KIF7: variants seen among roughly 807,000 people sequenced by gnomAD.
KIF7 encodes the protein kinesin-like protein KIF7.
Under a neutral mutation model 135.7 loss-of-function variants are expected in KIF7, and 104 were observed. The ratio of observed to expected loss-of-function variants is 0.77; its 90% CI spans 0.65 to 0.90. KIF7 has a LOEUF of 0.90. KIF7 is among the 40% of genes least tolerant of loss of function. KIF7 has a pLI of 0.00. For synonymous variants in KIF7, 883 were observed against 809.4 expected, an observed-to-expected ratio of 1.09 and a Z score of -1.54; for missense variants, 2,005 against 1,839.1, an observed-to-expected ratio of 1.09 and a Z score of -1.65.
chr15:89,632,262 C>T (rs1045753894), intron 14 of KIF7, among the ~76,000 whole-genome samples: 3 of 152,188 alleles, frequency 2.0e-5, no homozygotes, highest in African/African-American at 4.8e-5. Context: ...CAATGACGGC[C>T]ATCCCCCTCC....
chr15:89,648,050 G>A (rs1376500886), intron 5 of KIF7, among the ~76,000 whole-genome samples: 1 of 152,206 alleles, frequency 6.6e-6, no homozygotes, highest in Non-Finnish European at 1.5e-5. Flanking sequence ...TAAGTCCTAC[G>A]GTTATCCCTA....
chr15:89,624,090 G>T, downstream of KIF7: 1 of 1,613,554 alleles, frequency 6.2e-7, no homozygotes. Flanking sequence ...TCATGGGCAC[G>T]CCTCAGAATC....
intron 11 of KIF7, among the ~76,000 whole-genome samples, chr15:89,637,268 A>T (rs1373822656): frequency 7.1e-6 from 1 of 141,650 alleles, no homozygotes; most frequent in Non-Finnish European, 1.5e-5. Flanking sequence ...CAACTAAAAG[A>T]ACTAGAAAAG....
chr15:89,643,920 A>T (rs952791733), intron 10 of KIF7, among the ~76,000 whole-genome samples: 2 of 149,838 alleles, frequency 1.3e-5, no homozygotes, highest in Non-Finnish European at 3.0e-5. Context: ...CATTAGTTTC[A>T]TTAGGTGTGC....
chr15:89,629,287 GGGGA>G, intron 17 of KIF7, 84 bp downstream of exon 17: 1 of 1,187,642 alleles, frequency 8.4e-7, no homozygotes, highest in Non-Finnish European at 1.1e-6. Context: ...GGGGCGGTGG[GGGGA>G]GGGAGGGGGG....
chr15:89,633,295 G>A lies in KIF7; in HGVS notation c.2593-29C>T, dbSNP rs373973186. ...GGTGAGGAGCTCAGTGGGCAGGGCT[G>A]TTTATGGTGCCAGCATCTTACCAGA... On this transcript the variant is annotated intron_variant, in intron 12 of 18. Transcript: ENST00000394412. The A allele has an allele frequency of 1.1e-5, 17 of 1,544,192 alleles. No homozygotes were observed. The African/African-American group carries it at 2.2e-4, about 20-fold the overall frequency.
chr15:89,632,893 G>T lies in KIF7; in HGVS notation c.2822C>A (p.Ala941Asp). Reference sequence around the variant, plus strand: ...CAGGGCCTCCTTCTTGGCCAGGATGGCCTCCCGCTTGTGGAGCTCCTCCCC... The same window carrying T: ...CAGGGCCTCCTTCTTGGCCAGGATGTCCTCCCGCTTGTGGAGCTCCTCCCC... ...ELGEELHKREAILAKKEALMQ... is the reference protein window; with the variant it reads ...ELGEELHKREDILAKKEALMQ... The change falls in exon 14 of 19, where the codon GCC becomes GAC. Residue 941 changes from alanine (A) to aspartate (D), a missense_variant. By Grantham distance (126) the Ala-to-Asp change is moderately radical (BLOSUM62 -2). Coordinates refer to ENST00000394412, the MANE Select transcript of KIF7 (RefSeq NM_198525.3). 1 of 1,610,282 alleles carries T rather than the reference G, an allele frequency of 6.2e-7. No homozygotes were observed. Among genetic ancestry groups the T allele is most frequent in the Non-Finnish European group, 8.5e-7 (1 of 1,179,838 alleles).
chr15:89,641,328 GGACT>G (rs1327988023), intron 11 of KIF7, among the ~76,000 whole-genome samples: 3 of 152,216 alleles, frequency 2.0e-5, no homozygotes, highest in African/African-American at 7.2e-5. Flanking sequence ...CCTTGAGCTC[GGACT>G]GACAGCCTCC....
intron 2 of KIF7, 75 bp downstream of exon 2, chr15:89,652,528 G>A: frequency 8.7e-7 from 1 of 1,152,298 alleles, no homozygotes; most frequent in Non-Finnish European, 1.2e-6. Context: ...CAGGCAGCAA[G>A]AGGACAAGGC....
At chr15:89,641,324 G>A (rs1963916190) in intron 11 of KIF7, among the ~76,000 whole-genome samples, 1 of 152,130 alleles carries the variant, frequency 6.6e-6, no homozygotes, top group South Asian at 2.1e-4. Flanking sequence ...GACACCTTGA[G>A]CTCGGACTGA....
At chr15:89,623,054 C>G (rs1213140858), downstream of KIF7, among the ~76,000 whole-genome samples, 1 of 152,200 alleles carries the variant, frequency 6.6e-6, no homozygotes, top group African/African-American at 2.4e-5. Context: ...ATTTCCTTAC[C>G]TGTTGGAGCT....
Position 89,652,877 on chromosome 15 carries a change from A to G in KIF7, c.54T>C (p.Val18=), listed in dbSNP as rs951377794. ...LPGAEEAPVR[V]ALRVRPLLPK... ...GCAGCAGTGGTCGAACTCGCAGGGCAACCCGCACTGGGGCCTCCTCAGCCC... is the reference window on the plus strand; with the variant it reads ...GCAGCAGTGGTCGAACTCGCAGGGCGACCCGCACTGGGGCCTCCTCAGCCC... Residue 18 remains valine, a synonymous_variant, in exon 2 of 19, where the codon GTT becomes GTC. Transcript: ENST00000394412. The G allele has an allele frequency of 6.5e-6, 10 of 1,543,462 alleles. No homozygotes were observed. In the African/African-American group the frequency reaches 1.1e-4, roughly 17 times the overall value.
rs1206324466 is a variant in KIF7 at position 89,629,141 on chromosome 15, G to A, written c.3518-19C>T. 1.2e-6 allele frequency: 2 copies of A among 1,611,148 alleles called. No homozygotes were observed. The highest frequency in any genetic ancestry group is 2.7e-5 in the African/African-American group (2 of 73,868). On this transcript the variant is annotated intron_variant, in intron 17 of 18. Transcript: ENST00000394412. Reference sequence around the variant, plus strand: ...AGGTGGTCTAGAGTGGAAAGGTCGAGGAGAGGGTGGTGAGGGCTGCAGGCG... The same window carrying A: ...AGGTGGTCTAGAGTGGAAAGGTCGAAGAGAGGGTGGTGAGGGCTGCAGGCG...
chr15:89,626,969 T>C (rs1963539983), downstream of KIF7: 1 of 1,614,122 alleles, frequency 6.2e-7, no homozygotes, highest in African/African-American at 1.3e-5. Context: ...AGGATGTGGA[T>C]GTTCTTCCCT....
downstream of KIF7, chr15:89,624,353 G>T (rs759307960): frequency 4.0e-5 from 64 of 1,614,000 alleles, no homozygotes; most frequent in Admixed American, 1.1e-3. Context: ...ATGTCACCCA[G>T]CGTAGCTGCA....
chr15:89,641,205 A>G (rs1295071649), intron 11 of KIF7, among the ~76,000 whole-genome samples: 2 of 151,948 alleles, frequency 1.3e-5, no homozygotes, highest in East Asian at 3.9e-4. Flanking sequence ...TCATGACAAG[A>G]GGAAGAGATA....
chr15:89,625,617 G>C, downstream of KIF7: 1 of 1,613,292 alleles, frequency 6.2e-7, no homozygotes, highest in Non-Finnish European at 8.5e-7. Context: ...GACAGTTTGG[G>C]TTGAGTTCCA....
At chr15:89,640,301 A>G (rs1054047457) in intron 11 of KIF7, among the ~76,000 whole-genome samples, 3 of 92,334 alleles carry the variant, frequency 3.2e-5, no homozygotes, top group Non-Finnish European at 6.5e-5. Flanking sequence ...ATAATAATAA[A>G]TTAAAAATAA....
chr15:89,650,059 G>A, intron 2 of KIF7, 118 bp from the exon 3 acceptor site: 2 of 1,081,684 alleles, frequency 1.8e-6, no homozygotes, highest in Non-Finnish European at 2.7e-6. Context: ...GATGGAGAAG[G>A]CAGTGGCCGA....
Sources: allele counts gnomAD v4.1 joint callset (sites outside exome capture counted in the v4.1 genomes callset), GRCh38; gene constraint gnomAD v4.1.1; transcripts MANE v1.5; gene names NCBI Gene and HGNC (gene_info 2026-07-23, HGNC 2026-07-21).